The following MACROD2 variants were observed in gnomAD, a reference collection of about 807,000 sequenced individuals.
MACROD2 encodes mono-ADP ribosylhydrolase 2, also known as ADP-ribose glycohydrolase MACROD2.
In MACROD2, 36 loss-of-function variants were observed where a neutral mutation model predicts 70.4. That is an observed-to-expected ratio of 0.51 (90% CI 0.39 to 0.68). The LOEUF (loss-of-function observed/expected upper bound fraction) is 0.68, where lower values mean the gene tolerates loss of function less well. MACROD2 is among the 30% of genes least tolerant of loss of function. The probability of loss-of-function intolerance (pLI) is 0.00; values close to 1 mark genes in which losing one functional copy is unlikely to be tolerated. For synonymous variants in MACROD2, 172 were observed against 178.8 expected (o/e 0.96, Z 0.30); for missense variants, 496 against 538.4 (o/e 0.92, Z 0.78).
At chr20:15,380,300 A>G (rs2045626287) in intron 6 of MACROD2, among the ~76,000 whole-genome samples, 1 of 152,218 alleles carries the variant, frequency 6.6e-6, no homozygotes, top group Non-Finnish European at 1.5e-5. Flanking sequence ...TTACAAAGTG[A>G]ACAAGAGGAA....
intron 4 of MACROD2, among the ~76,000 whole-genome samples, chr20:14,601,605 T>C (rs1376495723): frequency 6.6e-6 from 1 of 152,190 alleles, no homozygotes; most frequent in East Asian, 1.9e-4. Flanking sequence ...GATACTATTA[T>C]ATTCATGTTC....
chr20:14,154,360 G>C (rs556311538), intron 3 of MACROD2, among the ~76,000 whole-genome samples: 17 of 151,576 alleles, frequency 1.1e-4, no homozygotes, highest in South Asian at 2.1e-4. Flanking sequence ...AGTAGGTTCA[G>C]TATGTAATTT....
At chr20:14,649,547 A>G (rs968311971) in intron 4 of MACROD2, among the ~76,000 whole-genome samples, 1 of 152,186 alleles carries the variant, frequency 6.6e-6, no homozygotes, top group Non-Finnish European at 1.5e-5. Context: ...CCAAGACCTT[A>G]GCTCAGTGAG....
rs370721038 is a variant in MACROD2 at position 15,158,553 on chromosome 20, C to T, written c.419-71387C>T. Among the ~76,000 whole-genome samples, 4 of 152,250 alleles carry T rather than the reference C, an allele frequency of 2.6e-5. No individual in the cohort carries two copies. The East Asian group carries it at 5.8e-4, about 22-fold the overall frequency. ...AAGTACAAATCTTTTAACTCTACCA[C>T]AGCAGAAGTGTGTAGTGAAAATAGA... is the stretch of plus-strand genomic sequence containing the variant. On this transcript the variant is annotated intron_variant, in intron 5 of 17. Transcript: ENST00000684519.
chr20:15,969,221 T>C, intron 13 of MACROD2, among the ~76,000 whole-genome samples: 1 of 152,000 alleles, frequency 6.6e-6, no homozygotes, highest in Non-Finnish European at 1.5e-5. Context: ...GAAAAGCAAA[T>C]GTAAAATATT....
chr20:14,410,694 A>G (rs184585629), intron 3 of MACROD2, among the ~76,000 whole-genome samples: 76 of 152,324 alleles, frequency 5.0e-4, no homozygotes, highest in Admixed American at 3.3e-3. Context: ...AATATGCAGT[A>G]TAGGGTATGC....
chr20:14,454,683 C>T (rs1272308995), intron 3 of MACROD2, among the ~76,000 whole-genome samples: 1 of 151,450 alleles, frequency 6.6e-6, no homozygotes, highest in East Asian at 1.9e-4. Flanking sequence ...AGCTAAGGCC[C>T]AGAGAAGTTA....
At chr20:14,909,666 T>G (rs1438845832) in intron 5 of MACROD2, among the ~76,000 whole-genome samples, 1 of 152,108 alleles carries the variant, frequency 6.6e-6, no homozygotes, top group African/African-American at 2.4e-5. Context: ...AGTTTTGTAA[T>G]AAACCTTCCA....
chr20:14,662,218 C>T (rs898696993), intron 4 of MACROD2, among the ~76,000 whole-genome samples: 1 of 152,056 alleles, frequency 6.6e-6, no homozygotes, highest in African/African-American at 2.4e-5. Flanking sequence ...TTCAACAAAC[C>T]TGACAATAAC....
chr20:14,970,800 A>C (rs990258095), intron 5 of MACROD2, among the ~76,000 whole-genome samples: 50 of 152,124 alleles, frequency 3.3e-4, no homozygotes, highest in Admixed American at 1.2e-3. Context: ...ACAGGTGCAC[A>C]CCAGTGAGGT....
At chr20:15,055,914 G>C (rs1311170326) in intron 5 of MACROD2, among the ~76,000 whole-genome samples, 1 of 151,494 alleles carries the variant, frequency 6.6e-6, no homozygotes, top group Non-Finnish European at 1.5e-5. Flanking sequence ...AGCCTCCCGA[G>C]TAGCTGGGAT....
At chr20:15,329,674 A>G (rs534950504) in intron 6 of MACROD2, among the ~76,000 whole-genome samples, 7 of 152,250 alleles carry the variant, frequency 4.6e-5, no homozygotes, top group East Asian at 1.9e-4. Context: ...AATTTTTCAG[A>G]TGTGTGTTTA....
chr20:15,994,122 T>TTGA (rs1425569412), intron 15 of MACROD2, among the ~76,000 whole-genome samples: 58 of 152,330 alleles, frequency 3.8e-4, no homozygotes, highest in African/African-American at 1.3e-3. Context: ...TTTGATACAT[T>TTGA]TGATAGACAG....
intron 6 of MACROD2, among the ~76,000 whole-genome samples, chr20:15,234,198 A>C (rs1481662739): frequency 1.5e-5 from 2 of 136,922 alleles, no homozygotes; most frequent in South Asian, 2.4e-4. Context: ...CGCCCGGCTA[A>C]TTTTTTTGTA....
chr20:14,807,499 A>C (rs956002621), intron 5 of MACROD2, among the ~76,000 whole-genome samples: 2 of 152,142 alleles, frequency 1.3e-5, no homozygotes, highest in Admixed American at 1.3e-4. Flanking sequence ...CGAGTGCCAA[A>C]AGGTGAAAAT....
At chr20:14,973,140 AC>A (rs1381998259) in intron 5 of MACROD2, among the ~76,000 whole-genome samples, 1 of 152,054 alleles carries the variant, frequency 6.6e-6, no homozygotes, top group Non-Finnish European at 1.5e-5. Context: ...GATTTGGTCA[AC>A]CATCTGAAGT....
At chr20:14,610,467 G>T (rs556363705) in intron 4 of MACROD2, among the ~76,000 whole-genome samples, 39 of 151,934 alleles carry the variant, frequency 2.6e-4, no homozygotes, top group Non-Finnish European at 4.6e-4. Context: ...TTTACCTGAG[G>T]TTTCTTTTTT....
chr20:14,505,407 TA>T (rs1226911276), intron 4 of MACROD2, among the ~76,000 whole-genome samples: 6 of 152,194 alleles, frequency 3.9e-5, no homozygotes, highest in African/African-American at 1.4e-4. Flanking sequence ...GTTTTTGGCC[TA>T]AAAATTTTAT....
chr20:14,873,200 T>A (rs2073509733), intron 5 of MACROD2, among the ~76,000 whole-genome samples: 1 of 152,188 alleles, frequency 6.6e-6, no homozygotes, highest in Non-Finnish European at 1.5e-5. Context: ...TAGTAAAAGT[T>A]CAATACATGT....
Sources: gnomAD v4.1 joint callset for allele counts (sites outside exome capture counted in the v4.1 genomes callset) on GRCh38, gnomAD v4.1.1 for gene constraint, MANE v1.5 for transcripts, NCBI Gene and HGNC (gene_info 2026-07-23, HGNC 2026-07-21) for gene names.